The following CDH11 variants were observed in gnomAD, a reference collection of about 807,000 sequenced individuals.
CDH11 encodes cadherin 11, also known as cadherin-11.
A neutral mutation model predicts 67.8 loss-of-function variants in CDH11; 11 were observed. That is an observed-to-expected ratio of 0.16 (90% CI 0.10 to 0.27). The LOEUF is 0.27. CDH11 is among the 10% of genes least tolerant of loss of function. The pLI, the probability that CDH11 is intolerant of heterozygous loss-of-function variation, is 1.00. For synonymous variants in CDH11, 419 were observed against 400.0 expected (o/e 1.05, Z -0.57); for missense variants, 847 against 1,031.2 (o/e 0.82, Z 2.45).
intron 1 of CDH11, among the ~76,000 whole-genome samples, chr16:65,089,944 A>T (rs1238221181): frequency 6.6e-6 from 1 of 152,182 alleles, no homozygotes; most frequent in African/African-American, 2.4e-5. Context: ...TTAAGTGAAC[A>T]TACAAAAAAT....
At chr16:65,069,676 T>C (rs1228322974) in intron 1 of CDH11, among the ~76,000 whole-genome samples, 1 of 152,188 alleles carries the variant, frequency 6.6e-6, no homozygotes, top group Non-Finnish European at 1.5e-5. Flanking sequence ...GACTGAATCA[T>C]CGAAGTGTCA....
At chr16:65,027,494 T>C (rs991700354) in intron 2 of CDH11, among the ~76,000 whole-genome samples, 4 of 152,220 alleles carry the variant, frequency 2.6e-5, no homozygotes, top group Admixed American at 6.5e-5. Context: ...AGAAAGTAAG[T>C]GCTTTCCAGC....
chr16:64,947,472 T>C lies in CDH11; in HGVS notation c.*131A>G. The C allele has an allele frequency of 6.7e-7, 1 of 1,488,894 alleles. No homozygotes were observed. Among genetic ancestry groups the C allele is most frequent in the East Asian group, 2.3e-5 (1 of 43,450 alleles). The allele number at this position is 1,488,894 out of a possible 1,614,324, so 92.2% of individuals were successfully genotyped here. On this transcript the variant is annotated 3_prime_UTR_variant, in exon 13 of 13. Coordinates refer to ENST00000268603, the MANE Select transcript of CDH11 (RefSeq NM_001797.4). ...GATGTCCTCGCAGTTTTATTAAATG[T>C]ATCCTCTCTGTAAAACTTTGCCTGT...
chr16:65,093,414 C>T (rs2074828649), intron 1 of CDH11, among the ~76,000 whole-genome samples: 1 of 151,826 alleles, frequency 6.6e-6, no homozygotes, highest in Non-Finnish European at 1.5e-5. Context: ...ACAGAAGTGC[C>T]CAGAACTCAA....
chr16:64,999,075 T>G (rs755981424), intron 3 of CDH11, among the ~76,000 whole-genome samples: 1 of 152,192 alleles, frequency 6.6e-6, no homozygotes, highest in Admixed American at 6.5e-5. Context: ...CAAATATATA[T>G]ATTTTTAATT....
intron 11 of CDH11, among the ~76,000 whole-genome samples, chr16:64,964,995 C>T (rs2071773756): frequency 1.3e-5 from 2 of 151,956 alleles, no homozygotes; most frequent in African/African-American, 4.8e-5. Flanking sequence ...GTGCTGCACC[C>T]ATTAACTCAT....
chr16:65,096,443 GTATATA>G (rs60633017), intron 1 of CDH11, among the ~76,000 whole-genome samples: 5 of 138,436 alleles, frequency 3.6e-5, no homozygotes, highest in African/African-American at 5.6e-5. Flanking sequence ...GTGTGTGTGT[GTATATA>G]TATGTTTATA....
At chr16:64,992,765 C>A in intron 5 of CDH11, 150 bp downstream of exon 5, 8 of 590,410 alleles carry the variant, frequency 1.4e-5, no homozygotes, top group Non-Finnish European at 8.3e-6. Context: ...TAGGCACAGG[C>A]CAAGTATCTA....
chr16:64,962,915 G>A (rs1227287665), intron 11 of CDH11, among the ~76,000 whole-genome samples: 8 of 152,086 alleles, frequency 5.3e-5, no homozygotes, highest in Admixed American at 5.2e-4. Context: ...AGAGGCACAA[G>A]CTTACTAAAA....
intron 1 of CDH11, among the ~76,000 whole-genome samples, chr16:65,079,645 G>C (rs867386423): frequency 2.0e-4 from 31 of 152,250 alleles, no homozygotes; most frequent in Middle Eastern, 6.8e-3. Flanking sequence ...TACCTTTCTT[G>C]ATTCAGTTGA....
intron 2 of CDH11, among the ~76,000 whole-genome samples, chr16:65,023,994 C>T (rs1018601938): frequency 6.6e-6 from 1 of 152,178 alleles, no homozygotes; most frequent in African/African-American, 2.4e-5. Flanking sequence ...AGGTTTCAGA[C>T]TCAGGTTACC....
intron 2 of CDH11, among the ~76,000 whole-genome samples, chr16:65,033,462 C>T (rs1033590393): frequency 4.6e-5 from 7 of 152,062 alleles, no homozygotes; most frequent in Admixed American, 6.6e-5. Flanking sequence ...CACCAGTGGT[C>T]GGGTGCGGTG....
At chr16:64,992,193 A>C (rs2072644536) in intron 5 of CDH11, among the ~76,000 whole-genome samples, 2 of 152,208 alleles carry the variant, frequency 1.3e-5, no homozygotes, top group African/African-American at 4.8e-5. Flanking sequence ...TTCTTCTCAG[A>C]TATAAACACC....
At chr16:65,076,509 TC>T (rs1334438112) in intron 1 of CDH11, among the ~76,000 whole-genome samples, 1 of 152,118 alleles carries the variant, frequency 6.6e-6, no homozygotes, top group African/African-American at 2.4e-5. Context: ...CTCCCTTTGA[TC>T]CAGCCCATCC....
chr16:64,994,816 G>T (rs1002180212), intron 4 of CDH11, among the ~76,000 whole-genome samples: 1 of 152,152 alleles, frequency 6.6e-6, no homozygotes, highest in Non-Finnish European at 1.5e-5. Context: ...AAACTCTAAA[G>T]ACTCTGCCAA....
intron 1 of CDH11, among the ~76,000 whole-genome samples, chr16:65,059,985 C>T (rs115350210): frequency 2.6e-5 from 4 of 152,292 alleles, no homozygotes; most frequent in African/African-American, 7.2e-5. Flanking sequence ...CTCCTTTCAA[C>T]ATATTAACAA....
At chr16:65,094,444 C>T (rs1207112071) in intron 1 of CDH11, among the ~76,000 whole-genome samples, 1 of 150,350 alleles carries the variant, frequency 6.7e-6, no homozygotes, top group African/African-American at 2.4e-5. Flanking sequence ...CACACACATA[C>T]ACACACACAC....
chr16:65,028,832 C>G (rs1443228926), intron 2 of CDH11, among the ~76,000 whole-genome samples: 1 of 152,140 alleles, frequency 6.6e-6, no homozygotes, highest in Non-Finnish European at 1.5e-5. Context: ...CAGTCACAGA[C>G]AGACAAGTAC....
intron 8 of CDH11, among the ~76,000 whole-genome samples, chr16:64,978,833 T>C (rs2072249485): frequency 6.6e-6 from 1 of 152,146 alleles, no homozygotes; most frequent in South Asian, 2.1e-4. Flanking sequence ...ATAAAGTTTA[T>C]TTTTAAAAAA....
Sources: gnomAD v4.1 joint callset for allele counts (sites outside exome capture counted in the v4.1 genomes callset) on GRCh38, gnomAD v4.1.1 for gene constraint, MANE v1.5 for transcripts, NCBI Gene and HGNC (gene_info 2026-07-23, HGNC 2026-07-21) for gene names.